Variants in NEGR1 observed in about 807,000 individuals in gnomAD.
NEGR1 encodes IgLON family member 4.
A neutral mutation model predicts 40.9 loss-of-function variants in NEGR1; 10 were observed. The observed-to-expected ratio is 0.24, with a 90% CI of 0.15 to 0.42. The LOEUF (loss-of-function observed/expected upper bound fraction) is 0.42. Ranked by LOEUF, NEGR1 falls within the 10% of genes least tolerant of loss-of-function variation. The pLI is 1.00. For missense variants in NEGR1, 352 were observed against 438.9 expected, an observed-to-expected ratio of 0.80 and a Z score of 1.77; for synonymous variants, 185 against 166.8, an observed-to-expected ratio of 1.11 and a Z score of -0.84.
intron 1 of NEGR1, among the ~76,000 whole-genome samples, chr1:72,160,229 T>C (rs1276984236): frequency 6.6e-6 from 1 of 152,120 alleles, no homozygotes; most frequent in Non-Finnish European, 1.5e-5. Context: ...CAGGAGTTGA[T>C]GCGTGAACAA....
intron 6 of NEGR1, among the ~76,000 whole-genome samples, chr1:71,576,577 G>GGTAGACT (rs1413384997): frequency 6.6e-6 from 1 of 152,064 alleles, no homozygotes; most frequent in Non-Finnish European, 1.5e-5. Context: ...ATCACAAAGG[G>GGTAGACT]GTAGACTGTA....
At chr1:71,572,050 G>T (rs2101493947) in intron 6 of NEGR1, among the ~76,000 whole-genome samples, 1 of 152,102 alleles carries the variant, frequency 6.6e-6, no homozygotes, top group Admixed American at 6.6e-5. Flanking sequence ...TTTCAAATTA[G>T]CTCTGAGTAT....
chr1:72,123,361 C>A (rs1649878098), intron 1 of NEGR1, among the ~76,000 whole-genome samples: 1 of 151,090 alleles, frequency 6.6e-6, no homozygotes, highest in Non-Finnish European at 1.5e-5. Flanking sequence ...AAAAAAAATC[C>A]CTGTAGGAGC....
At chr1:72,093,735 A>G (rs1648587680) in intron 1 of NEGR1, among the ~76,000 whole-genome samples, 1 of 152,142 alleles carries the variant, frequency 6.6e-6, no homozygotes, top group Non-Finnish European at 1.5e-5. Flanking sequence ...CTAACACTTC[A>G]GCTTGATTAG....
At chr1:71,601,113 A>G (rs1649903954) in intron 5 of NEGR1, among the ~76,000 whole-genome samples, 1 of 152,194 alleles carries the variant, frequency 6.6e-6, no homozygotes, top group Non-Finnish European at 1.5e-5. Context: ...TTAACTGCAT[A>G]TCTAATACTC....
chr1:71,597,056 A>G (rs1649736163), intron 5 of NEGR1, among the ~76,000 whole-genome samples: 1 of 152,174 alleles, frequency 6.6e-6, no homozygotes, highest in Non-Finnish European at 1.5e-5. Context: ...TTTTATTTAC[A>G]AAGACAAGGA....
intron 4 of NEGR1, among the ~76,000 whole-genome samples, chr1:71,680,565 T>C (rs1652805738): frequency 6.6e-6 from 1 of 152,132 alleles, no homozygotes; most frequent in Non-Finnish European, 1.5e-5. Context: ...ATATTAAAAG[T>C]AGCTTTTAGA....
intron 1 of NEGR1, among the ~76,000 whole-genome samples, chr1:72,197,568 A>G (rs1439343880): frequency 6.6e-6 from 1 of 152,084 alleles, no homozygotes; most frequent in Non-Finnish European, 1.5e-5. Flanking sequence ...TTAACAACAT[A>G]GAATTATAAA....
chr1:71,733,783 G>T (rs541042962), intron 3 of NEGR1, among the ~76,000 whole-genome samples: 2 of 152,040 alleles, frequency 1.3e-5, no homozygotes, highest in Non-Finnish European at 1.5e-5. Flanking sequence ...AAAATAAAAT[G>T]GTGCAGAATT....
intron 6 of NEGR1, among the ~76,000 whole-genome samples, chr1:71,409,972 A>C (rs1215775151): frequency 6.6e-6 from 1 of 152,052 alleles, no homozygotes; most frequent in Non-Finnish European, 1.5e-5. Context: ...GCACTTAATA[A>C]GATATGTATG....
chr1:71,691,681 T>G (rs921628432), intron 4 of NEGR1, among the ~76,000 whole-genome samples: 1 of 151,758 alleles, frequency 6.6e-6, no homozygotes, highest in Non-Finnish European at 1.5e-5. Flanking sequence ...GATCTAAGTA[T>G]GCCTATGGAA....
chr1:71,600,167 C>T (rs1414562234), intron 5 of NEGR1, among the ~76,000 whole-genome samples: 1 of 152,182 alleles, frequency 6.6e-6, no homozygotes, highest in African/African-American at 2.4e-5. Flanking sequence ...TACTAATAGT[C>T]TCTCACCAAC....
intron 3 of NEGR1, among the ~76,000 whole-genome samples, chr1:71,734,474 T>C (rs1037101953): frequency 3.9e-5 from 6 of 152,326 alleles, no homozygotes; most frequent in Middle Eastern, 3.4e-3. Flanking sequence ...GCTCAATAAG[T>C]AATTGTTACA....
chr1:71,700,227 T>C (rs1196721916), intron 3 of NEGR1, among the ~76,000 whole-genome samples: 1 of 151,962 alleles, frequency 6.6e-6, no homozygotes, highest in East Asian at 1.9e-4. Flanking sequence ...CTTAAACTTA[T>C]GAGGTAAATT....
At chr1:71,413,805 A>T (rs978052653) in intron 6 of NEGR1, among the ~76,000 whole-genome samples, 6 of 152,064 alleles carry the variant, frequency 3.9e-5, no homozygotes, top group Non-Finnish European at 7.4e-5. Flanking sequence ...CATATATCTT[A>T]TATCTTTTCT....
At chr1:71,908,543 C>A (rs1661341290) in intron 2 of NEGR1, among the ~76,000 whole-genome samples, 1 of 152,074 alleles carries the variant, frequency 6.6e-6, no homozygotes, top group African/African-American at 2.4e-5. Context: ...CCACTCAAAT[C>A]AAAAGGTTGA....
chr1:71,876,645 T>G (rs1214243242), intron 2 of NEGR1, among the ~76,000 whole-genome samples: 3 of 151,594 alleles, frequency 2.0e-5, no homozygotes, highest in South Asian at 2.1e-4. Flanking sequence ...AGGAAATAAA[T>G]TAGTCCACTA....
At chr1:71,431,378 C>T (rs1000634949) in intron 6 of NEGR1, among the ~76,000 whole-genome samples, 8 of 152,246 alleles carry the variant, frequency 5.3e-5, no homozygotes, top group African/African-American at 1.9e-4. Context: ...GATGTCTATG[C>T]AGACTAAAGC....
At chr1:71,853,841 ACTTTGGTTATTAGCATTGCT>A (rs1426292457) in intron 2 of NEGR1, among the ~76,000 whole-genome samples, 2 of 152,158 alleles carry the variant, frequency 1.3e-5, no homozygotes, top group African/African-American at 4.8e-5. Context: ...AGCGGTTCTC[ACTTTGGTTATTAGCATTGCT>A]AGACGTCTGT....
Sources: gnomAD v4.1 joint callset for allele counts (sites outside exome capture counted in the v4.1 genomes callset) on GRCh38, gnomAD v4.1.1 for gene constraint, MANE v1.5 for transcripts, NCBI Gene and HGNC (gene_info 2026-07-23, HGNC 2026-07-21) for gene names.